SDK1: variants seen among roughly 807,000 people sequenced by gnomAD.
SDK1 encodes the protein sidekick cell adhesion molecule 1, also known as protein sidekick-1.
Under a neutral mutation model 245.5 loss-of-function variants are expected in SDK1, and 157 were observed. The observed-to-expected ratio is 0.64, with a 90% CI of 0.56 to 0.73. The LOEUF is 0.73. Among genes scored for constraint, SDK1 ranks in the 30% least tolerant of loss-of-function variants. SDK1 has a pLI of 0.00. For missense variants in SDK1, 3,583 were observed against 3,002.3 expected (o/e 1.19, Z -4.52); for synonymous variants, 1,647 against 1,278.5 (o/e 1.29, Z -6.15).
In SDK1 at chr7:3,444,679, G is replaced by C. The variant is rs573715606; in HGVS notation, c.298+142795G>C. ...GTATATTTCTTTTCAACAGTCAGTTGTTAGATTGCTGTCCTTGATTGGTTT... is the reference window on the plus strand; with the variant it reads ...GTATATTTCTTTTCAACAGTCAGTTCTTAGATTGCTGTCCTTGATTGGTTT... On this transcript the variant is annotated intron_variant, in intron 1 of 44. Coordinates refer to ENST00000404826, the MANE Select transcript of SDK1 (RefSeq NM_152744.4). Among the ~76,000 whole-genome samples, 15 of 152,256 alleles carry C rather than the reference G, an allele frequency of 9.9e-5. No homozygotes were observed. The East Asian group carries it at 2.7e-3, about 27-fold the overall frequency.
At chr7:4,200,623 G>A (rs954689922) in intron 35 of SDK1, among the ~76,000 whole-genome samples, 6 of 152,210 alleles carry the variant, frequency 3.9e-5, no homozygotes, top group African/African-American at 1.4e-4. Flanking sequence ...TTGCCATGAA[G>A]GGCCTCTCCA....
intron 4 of SDK1, among the ~76,000 whole-genome samples, chr7:3,714,239 C>G (rs1233939723): frequency 6.6e-6 from 1 of 152,168 alleles, no homozygotes; most frequent in East Asian, 1.9e-4. Flanking sequence ...AGGTAGAGGC[C>G]TTGATCACTC....
intron 1 of SDK1, among the ~76,000 whole-genome samples, chr7:3,546,509 G>C (rs889750714): frequency 3.9e-5 from 6 of 152,202 alleles, no homozygotes; most frequent in East Asian, 1.9e-4. Flanking sequence ...TTTACATTCA[G>C]AGTATACACA....
intron 1 of SDK1, among the ~76,000 whole-genome samples, chr7:3,405,591 C>T (rs185216189): frequency 1.8e-4 from 28 of 152,244 alleles, no homozygotes; most frequent in Admixed American, 1.8e-3. Flanking sequence ...GGGTTTACCC[C>T]ATGCTGGAGT....
chr7:4,151,921 C>T (rs1052203195), intron 30 of SDK1, among the ~76,000 whole-genome samples: 1 of 152,170 alleles, frequency 6.6e-6, no homozygotes, highest in Non-Finnish European at 1.5e-5. Flanking sequence ...AGACACAGTC[C>T]ACGTCCTACA....
chr7:3,742,540 A>G (rs1272631895), intron 4 of SDK1, among the ~76,000 whole-genome samples: 1 of 152,114 alleles, frequency 6.6e-6, no homozygotes, highest in Non-Finnish European at 1.5e-5. Context: ...TTGCCTTCAT[A>G]CAGTCTGCCA....
At chr7:3,900,734 C>G (rs1329076087) in intron 5 of SDK1, among the ~76,000 whole-genome samples, 2 of 152,006 alleles carry the variant, frequency 1.3e-5, no homozygotes, top group African/African-American at 4.8e-5. Flanking sequence ...CTCCCCCTCT[C>G]CATTTCCCTC....
intron 1 of SDK1, among the ~76,000 whole-genome samples, chr7:3,493,769 C>T (rs1781937503): frequency 6.6e-6 from 1 of 152,180 alleles, no homozygotes; most frequent in African/African-American, 2.4e-5. Context: ...TATGACATAG[C>T]TTCTATGACT....
intron 1 of SDK1, among the ~76,000 whole-genome samples, chr7:3,513,993 A>G (rs908920394): frequency 5.3e-5 from 8 of 152,184 alleles, no homozygotes; most frequent in South Asian, 2.1e-4. Context: ...GTAATATTCC[A>G]TGGTGTGTTC....
chr7:3,394,596 T>C (rs1483450154), intron 1 of SDK1, among the ~76,000 whole-genome samples: 1 of 149,986 alleles, frequency 6.7e-6, no homozygotes. Flanking sequence ...TTTGAATGTA[T>C]AGATCAATTT....
intron 5 of SDK1, among the ~76,000 whole-genome samples, chr7:3,946,070 G>A (rs867258293): frequency 1.1e-4 from 16 of 151,296 alleles, no homozygotes; most frequent in Middle Eastern, 3.2e-3. Flanking sequence ...AAAACAGAGG[G>A]GAGAAAATTA....
chr7:4,213,816 G>A (rs182764978), intron 38 of SDK1, among the ~76,000 whole-genome samples: 2 of 152,118 alleles, frequency 1.3e-5, no homozygotes, highest in African/African-American at 2.4e-5. Context: ...TTTCTTGTTC[G>A]TTTCATGACA....
At chr7:4,110,178 T>C (rs1783246153) in intron 22 of SDK1, among the ~76,000 whole-genome samples, 1 of 152,182 alleles carries the variant, frequency 6.6e-6, no homozygotes, top group African/African-American at 2.4e-5. Flanking sequence ...CAATGGTGTC[T>C]GTTTGGTGTG....
At chr7:3,656,155 C>G (rs4342491) in intron 4 of SDK1, among the ~76,000 whole-genome samples, 1 of 151,882 alleles carries the variant, frequency 6.6e-6, no homozygotes, top group African/African-American at 2.4e-5. Flanking sequence ...AATTTTCAGC[C>G]CTTGGTTGGT....
At chr7:4,053,431 C>T (rs1181281629) in intron 19 of SDK1, among the ~76,000 whole-genome samples, 1 of 151,844 alleles carries the variant, frequency 6.6e-6, no homozygotes, top group Non-Finnish European at 1.5e-5. Flanking sequence ...CCCTTCTTCC[C>T]CTCTCTGTCT....
chr7:3,616,989 C>G (rs776938398), intron 1 of SDK1, among the ~76,000 whole-genome samples: 22 of 152,112 alleles, frequency 1.4e-4, no homozygotes, highest in Non-Finnish European at 2.5e-4. Context: ...GATTCTGGAG[C>G]TAGATTATCT....
chr7:3,720,868 T>A (rs1258606678), intron 4 of SDK1, among the ~76,000 whole-genome samples: 1 of 152,198 alleles, frequency 6.6e-6, no homozygotes, highest in Admixed American at 6.5e-5. Flanking sequence ...TAGACAAATA[T>A]TTAAAACACA....
At chr7:4,130,163 A>C in intron 27 of SDK1, 66 bp downstream of exon 27, 1 of 1,427,616 alleles carries the variant, frequency 7.0e-7, no homozygotes, top group South Asian at 1.4e-5. Flanking sequence ...CAATGCAAAC[A>C]ATTTGGATTG....
intron 44 of SDK1, among the ~76,000 whole-genome samples, chr7:4,256,399 T>C (rs1227307239): frequency 6.6e-6 from 1 of 152,238 alleles, no homozygotes; most frequent in Non-Finnish European, 1.5e-5. Context: ...GCCTGGTGCC[T>C]TAACTCCAAG....
Sources: gnomAD v4.1 joint callset for allele counts (sites outside exome capture counted in the v4.1 genomes callset) on GRCh38, gnomAD v4.1.1 for gene constraint, MANE v1.5 for transcripts, NCBI Gene and HGNC (gene_info 2026-07-23, HGNC 2026-07-21) for gene names.